The following DYNLRB1 variants were observed in gnomAD, a reference collection of about 807,000 sequenced individuals.
DYNLRB1 encodes the protein ROBL/LC7-like 1.
A neutral mutation model predicts 13.5 loss-of-function variants in DYNLRB1; 6 were observed. The ratio of observed to expected loss-of-function variants is 0.44; its 90% CI spans 0.24 to 0.88. The LOEUF is 0.88. DYNLRB1 is among the 40% of genes least tolerant of loss of function. The pLI, the probability that DYNLRB1 is intolerant of heterozygous loss-of-function variation, is 0.21. For synonymous variants in DYNLRB1, 43 were observed against 45.0 expected (o/e 0.96, Z 0.18); for missense variants, 93 against 127.2 (o/e 0.73, Z 1.29).
chr20:34,516,494 CCG>C, intron 1 of DYNLRB1, 33 bp downstream of exon 1: 2 of 1,608,148 alleles, frequency 1.2e-6, no homozygotes, highest in African/African-American at 1.3e-5. Context: ...TGGCTGGCGG[CCG>C]CCCACCACCC....
intron 3 of DYNLRB1, among the ~76,000 whole-genome samples, chr20:34,537,680 G>A (rs902231443): frequency 8.5e-5 from 13 of 152,180 alleles, no homozygotes; most frequent in East Asian, 1.9e-4. Context: ...AGGCCCTGGC[G>A]CTGAATTGCC....
At chr20:34,518,004 C>G (rs902476209) in intron 1 of DYNLRB1, among the ~76,000 whole-genome samples, 1 of 152,120 alleles carries the variant, frequency 6.6e-6, no homozygotes, top group African/African-American at 2.4e-5. Flanking sequence ...ATGAATAGTG[C>G]TGCAATATGA....
chr20:34,516,778 G>A (rs1335991942), intron 1 of DYNLRB1: 2 of 1,550,080 alleles, frequency 1.3e-6, no homozygotes, highest in Non-Finnish European at 1.7e-6. Context: ...GTGCGCGATG[G>A]CAACCCTGGC....
chr20:34,531,154 G>A (rs533003489), intron 2 of DYNLRB1: 2 of 152,372 alleles, frequency 1.3e-5, no homozygotes, highest in Admixed American at 6.5e-5. Context: ...GTTCACTGCT[G>A]TCTGTAGTAC....
At chr20:34,537,429 T>C (rs1234857500) in intron 3 of DYNLRB1, among the ~76,000 whole-genome samples, 14 of 152,052 alleles carry the variant, frequency 9.2e-5, no homozygotes, top group Non-Finnish European at 7.4e-5. Flanking sequence ...CTAGCAAATA[T>C]CCATTGATTA....
At chr20:34,516,328 C>G, upstream of DYNLRB1, 1 of 1,411,010 alleles carries the variant, frequency 7.1e-7, no homozygotes, top group Non-Finnish European at 9.4e-7. Flanking sequence ...ATCGGCTCGC[C>G]CGCCCCCGCC....
Position 34,536,266 on chromosome 20 carries a change from C to T in DYNLRB1, c.247+1471C>T, listed in dbSNP as rs561879347. 16 of 985,426 alleles carry T rather than the reference C, an allele frequency of 1.6e-5. No homozygotes were observed. The Admixed American group carries it at 6.1e-4, about 38-fold the overall frequency. The allele number at this position is 985,426 out of a possible 1,614,324, so 61.0% of individuals were successfully genotyped here. ...GCATGACCCTGGGCAAGTCGCAGAA[C>T]ACCTGCAAATCCACATCTGTAAAGT... On this transcript the variant is annotated intron_variant, in intron 3 of 3. Transcript: ENST00000357156.
upstream of DYNLRB1, chr20:34,516,323 C>T (rs115050328): frequency 8.9e-4 from 1,237 of 1,392,116 alleles, 9 homozygotes; most frequent in African/African-American, 0.016. Context: ...CCAAGATCGG[C>T]TCGCCCGCCC....
chr20:34,534,094 C>T (rs971652867), intron 2 of DYNLRB1, among the ~76,000 whole-genome samples: 1 of 152,142 alleles, frequency 6.6e-6, no homozygotes, highest in African/African-American at 2.4e-5. Context: ...TGAGCCACTG[C>T]ACTCCAGCCT....
chr20:34,538,418 C>T (rs1981337055), intron 3 of DYNLRB1, among the ~76,000 whole-genome samples: 1 of 151,946 alleles, frequency 6.6e-6, no homozygotes, highest in East Asian at 2.0e-4. Context: ...GCCTGGGCAA[C>T]AGCGAGACCC....
At chr20:34,529,417 G>C (rs1291409655) in intron 2 of DYNLRB1, among the ~76,000 whole-genome samples, 1 of 152,138 alleles carries the variant, frequency 6.6e-6, no homozygotes, top group African/African-American at 2.4e-5. Context: ...AAGTGGAGGT[G>C]CTGTGTCCTT....
chr20:34,535,281 T>C, intron 3 of DYNLRB1: 5 of 985,416 alleles, frequency 5.1e-6, no homozygotes, highest in Non-Finnish European at 4.8e-6. Flanking sequence ...ATTTTATCCT[T>C]GAAAACATGT....
intron 2 of DYNLRB1, among the ~76,000 whole-genome samples, chr20:34,528,992 AAAAAC>A (rs1250110164): frequency 1.5e-4 from 23 of 152,178 alleles, no homozygotes; most frequent in Middle Eastern, 3.4e-3. Flanking sequence ...TTAAAAAAAA[AAAAAC>A]AAAAAGTAAC....
chr20:34,528,521 A>G (rs1055844745), intron 2 of DYNLRB1, among the ~76,000 whole-genome samples: 4 of 152,204 alleles, frequency 2.6e-5, no homozygotes, highest in African/African-American at 9.6e-5. Flanking sequence ...GAGTCAGGTC[A>G]GTGAACGTTA....
upstream of DYNLRB1, chr20:34,516,267 C>T (rs981931041): frequency 4.5e-6 from 4 of 881,676 alleles, no homozygotes; most frequent in African/African-American, 6.9e-5. Context: ...CTTAGCTTTT[C>T]GCTTTGCCAC....
Position 34,516,436 on chromosome 20 carries a change from C to T in DYNLRB1, c.-23C>T. 1.2e-6 allele frequency: 2 copies of T among 1,612,934 alleles called. No homozygotes were observed. Among genetic ancestry groups the T allele is most frequent in the Non-Finnish European group, 1.7e-6 (2 of 1,179,370 alleles). ...CAGGACTCGCTAAGTGTTCGCTACGCGGGGCTACCGGATCGGTCGGAAATG... is the reference window on the plus strand; with the variant it reads ...CAGGACTCGCTAAGTGTTCGCTACGTGGGGCTACCGGATCGGTCGGAAATG... On this transcript the variant is annotated 5_prime_UTR_variant, in exon 1 of 4. Coordinates refer to ENST00000357156, the MANE Select transcript of DYNLRB1 (RefSeq NM_014183.4).
At position 34,516,471 on chromosome 20, in the gene DYNLRB1, C is replaced by T. The variant is rs769309457; in HGVS notation, c.3+10C>T. 11 of 1,612,460 alleles carry T rather than the reference C, an allele frequency of 6.8e-6. No individual in the cohort carries two copies. In the African/African-American group the frequency reaches 1.2e-4, roughly 18 times the overall value. ...GGATCGGTCGGAAATGGTGAGCGTG[C>T]GCCGGGGTCTTGTGGCTGGCGGCCG... On this transcript the variant is annotated intron_variant, in intron 1 of 3. Transcript: ENST00000357156.
chr20:34,535,193 A>T (rs1449369972), intron 3 of DYNLRB1: 1 of 985,316 alleles, frequency 1.0e-6, no homozygotes, highest in Non-Finnish European at 1.2e-6. Context: ...AGTGTGAGCA[A>T]GGCGGAGGGG....
In DYNLRB1 at chr20:34,540,819, G is replaced by A. The variant is rs915369865; in HGVS notation, c.*195G>A. On this transcript the variant is annotated 3_prime_UTR_variant, in exon 4 of 4. Transcript: ENST00000357156. The stretch of plus-strand genomic sequence containing the variant: ...GTGCACCAACCTTCCCCAGAGCTCC[G>A]GAGCGCCCTCTCCTCACTTCCAGGT... 1.1e-4 allele frequency: 61 copies of A among 535,292 alleles called. No homozygotes were observed. Among genetic ancestry groups the A allele is most frequent in the Non-Finnish European group, 1.8e-4 (55 of 308,936 alleles). The allele number at this position is 535,292 out of a possible 1,614,324, so 33.2% of individuals were successfully genotyped here.
Sources: allele counts gnomAD v4.1 joint callset (sites outside exome capture counted in the v4.1 genomes callset), GRCh38; gene constraint gnomAD v4.1.1; transcripts MANE v1.5; gene names NCBI Gene and HGNC (gene_info 2026-07-23, HGNC 2026-07-21).